CA9: variants seen among roughly 807,000 people sequenced by gnomAD.
CA9 encodes CA-IX.
Under a neutral mutation model 51.8 loss-of-function variants are expected in CA9, and 43 were observed. The observed-to-expected ratio is 0.83, with a 90% CI of 0.65 to 1.07. CA9 has a LOEUF of 1.07. CA9 is among the 50% of genes least tolerant of loss of function. The pLI, the probability that CA9 is intolerant of heterozygous loss-of-function variation, is 0.00. For synonymous variants in CA9, 253 were observed against 244.2 expected (o/e 1.04, Z -0.34); for missense variants, 574 against 581.4 (o/e 0.99, Z 0.13).
intron 1 of CA9, chr9:35,675,276 G>A: frequency 3.6e-6 from 2 of 553,746 alleles, no homozygotes; most frequent in Admixed American, 3.1e-5. Flanking sequence ...TTATAGGCGT[G>A]AGCCACAGCG....
At chr9:35,678,025 C>T (rs2131838575) in intron 6 of CA9, among the ~76,000 whole-genome samples, 169 bp downstream of exon 6, 1 of 152,284 alleles carries the variant, frequency 6.6e-6, no homozygotes, top group East Asian at 1.9e-4. Flanking sequence ...ACACAGTTAC[C>T]CGCAAACGGC....
chr9:35,675,998 G>C lies in CA9; in HGVS notation c.605-66G>C, dbSNP rs186089707. On this transcript the variant is annotated intron_variant, in intron 3 of 10. Coordinates refer to ENST00000378357, the MANE Select transcript of CA9 (RefSeq NM_001216.3). ...CGCAGGGAAGGGAACCGTCGCGGCA[G>C]TGCCTGCCCGGGGGTTGGGCTGGCC... 8.8e-4 allele frequency: 1,414 copies of C among 1,603,948 alleles called. 1 individual carries two copies. The highest frequency in any genetic ancestry group is 1.1e-3 in the Non-Finnish European group (1,327 of 1,175,446).
At chr9:35,677,097 C>T (rs930664170) in intron 5 of CA9, among the ~76,000 whole-genome samples, 6 of 152,078 alleles carry the variant, frequency 3.9e-5, no homozygotes, top group Non-Finnish European at 5.9e-5. Context: ...TCAAGTGATC[C>T]GCCTGACTCA....
rs1172576353 is a variant in CA9, at chr9:35,680,774, T to C, written c.1259T>C (p.Phe420Ser). The C allele has an allele frequency of 1.2e-6, 2 of 1,614,196 alleles. No homozygotes were observed. The highest frequency in any genetic ancestry group is 1.6e-4 in the Middle Eastern group (1 of 6,062). Residue 420 changes from phenylalanine (F) to serine (S), a missense_variant, in exon 10 of 11, where the codon TTT (phenylalanine) becomes TCT (serine). By Grantham distance (155) the Phe-to-Ser change is radical. Coordinates refer to ENST00000378357, the MANE Select transcript of CA9 (RefSeq NM_001216.3). The stretch of plus-strand genomic sequence containing the variant: ...GCAGGTGACATCCTAGCCCTGGTTT[T>C]TGGCCTCCTTTTTGCTGTCACCAGC... Reference protein sequence around the residue: ...LAAGDILALVFGLLFAVTSVA... With the variant: ...LAAGDILALVSGLLFAVTSVA...
In CA9 at chr9:35,680,678, C is replaced by G. The variant is rs1032631937; in HGVS notation, c.1238-75C>G. ...AACTCGGGGCAGGGGTGGTGGAGTG[C>G]ACTGAGGCAGGTGTTGAGGAACTCT... On this transcript the variant is annotated intron_variant, in intron 9 of 10. Coordinates refer to ENST00000378357, the MANE Select transcript of CA9 (RefSeq NM_001216.3). 1.7e-5 allele frequency: 21 copies of G among 1,207,688 alleles called. No homozygotes were observed. In the Admixed American group the frequency reaches 3.6e-4, roughly 21 times the overall value. 74.8% of individuals were successfully genotyped at this position (1,207,688 alleles called of 1,614,324 possible).
intron 5 of CA9, among the ~76,000 whole-genome samples, chr9:35,677,437 C>G (rs1399637974): frequency 6.6e-6 from 1 of 152,058 alleles, no homozygotes; most frequent in Non-Finnish European, 1.5e-5. Context: ...GTGAGTGAGA[C>G]TGCAAACGTC....
rs933692915 is a variant in CA9 at position 35,674,205 on chromosome 9, T to G, written c.246T>G (p.Asp82Glu). 3.3e-6 allele frequency: 5 copies of G among 1,513,230 alleles called. No homozygotes were observed. The African/African-American group carries it at 8.0e-5, about 24-fold the overall frequency. The allele number at this position is 1,513,230 out of a possible 1,614,324, so 93.7% of individuals were successfully genotyped here. ...PREEDPPGEE[D>E]LPGEEDLPGE... ...AGGAGGATCCACCCGGAGAGGAGGA[T>G]CTACCTGGAGAGGAGGATCTACCTG... is the stretch of plus-strand genomic sequence containing the variant. Residue 82 changes from aspartate to glutamate, a missense_variant, in exon 1 of 11, where the codon GAT becomes GAG. Physicochemically the swap from Asp to Glu is conservative, Grantham distance 45. Transcript: ENST00000378357.
At position 35,675,580 on chromosome 9, in the gene CA9, C is replaced by A. The variant is rs763168609; in HGVS notation, c.433+13C>A. ...TGGCGCTATGGAGGTGAGACACCCA[C>A]CCGCTGCACAGACCCAATCTGGGAA... is the stretch of plus-strand genomic sequence containing the variant. On this transcript the variant is annotated intron_variant, in intron 2 of 10. Transcript: ENST00000378357. The A allele has an allele frequency of 1.2e-6, 2 of 1,613,796 alleles. No individual in the cohort carries two copies. Among genetic ancestry groups the A allele is most frequent in the African/African-American group, 2.7e-5 (2 of 74,912 alleles).
intron 1 of CA9, chr9:35,675,190 C>T (rs1236550039): frequency 1.1e-5 from 3 of 271,564 alleles, no homozygotes; most frequent in Non-Finnish European, 2.1e-5. Context: ...GACGGGGTTT[C>T]GCCATGTTGG....
At chr9:35,674,740 G>T (rs1163350264) in intron 1 of CA9, 1 of 175,832 alleles carries the variant, frequency 5.7e-6, no homozygotes. Flanking sequence ...AGGTGAAGTG[G>T]GTACCAGAGA....
Position 35,674,163 on chromosome 9 carries a change from AGAGGATTCACCCAGAGAG to A in CA9, c.211_228del (p.Ser71_Asp76del). On this transcript the variant is annotated inframe_deletion, in exon 1 of 11. Coordinates refer to ENST00000378357, the MANE Select transcript of CA9 (RefSeq NM_001216.3). ...TGGGCGAGGAGGATCTGCCCAGTGA[AGAGGATTCACCCAGAGAG>A]GAGGATCCACCCGGAGAGGAGGATC... 1 of 1,614,132 alleles carries A rather than the reference AGAGGATTCACCCAGAGAG, an allele frequency of 6.2e-7. No individual in the cohort carries two copies. The highest frequency in any genetic ancestry group is 8.5e-7 in the Non-Finnish European group (1 of 1,179,988).
Position 35,673,946 on chromosome 9 carries a change from C to T in CA9, c.-14C>T. 1.3e-6 allele frequency: 2 copies of T among 1,582,298 alleles called. No homozygotes were observed. The highest frequency in any genetic ancestry group is 1.7e-6 in the Non-Finnish European group (2 of 1,163,542). On this transcript the variant is annotated 5_prime_UTR_variant, in exon 1 of 11. Transcript: ENST00000378357. ...CGTACACACCGTGTGCTGGGACACC[C>T]CACAGTCAGCCGCATGGCTCCCCTG...
intron 9 of CA9, among the ~76,000 whole-genome samples, chr9:35,680,371 C>CG (rs1456442397): frequency 6.6e-6 from 1 of 152,116 alleles, no homozygotes; most frequent in African/African-American, 2.4e-5. Context: ...CAATCCCCCC[C>CG]CTTTTTTTAA....
At chr9:35,678,862 A>C (rs1006320054) in intron 6 of CA9, among the ~76,000 whole-genome samples, 1 of 151,958 alleles carries the variant, frequency 6.6e-6, no homozygotes, top group Non-Finnish European at 1.5e-5. Flanking sequence ...GTGGCCCAGC[A>C]CTTTATGATG....
rs778855846 is a variant in CA9, at chr9:35,680,203, G to A, written c.1237+64G>A. ...CTCCTCAGCACCATTCAGCCCCAGG[G>A]CTGCTCAGGACCGCCTCTGCTCCCT... On this transcript the variant is annotated intron_variant, in intron 9 of 10. Transcript: ENST00000378357. The A allele has an allele frequency of 6.2e-5, 99 of 1,598,962 alleles. 1 individual carries two copies. In the East Asian group the frequency reaches 1.0e-3, roughly 17 times the overall value.
Position 35,676,117 on chromosome 9 carries a change from T to C in CA9, c.658T>C (p.Tyr220His). 1 of 1,613,560 alleles carries C rather than the reference T, an allele frequency of 6.2e-7. No homozygotes were observed. The highest frequency in any genetic ancestry group is 8.5e-7 in the Non-Finnish European group (1 of 1,179,842). The change falls in exon 4 of 11, where the codon TAC (tyrosine) becomes CAC (histidine). Residue 220 changes from tyrosine (Y) to histidine (H), a missense_variant. Transcript: ENST00000378357. ...LEMALGPGRE[Y>H]RALQLHLHWG... ...GATGGCTCTGGGTCCCGGGCGGGAG[T>C]ACCGGGCTCTGCAGCTGCATCTGCA...
In CA9 at chr9:35,674,380, T is replaced by A. The variant is rs1196920006; in HGVS notation, c.403+18T>A. On this transcript the variant is annotated intron_variant, in intron 1 of 10. Coordinates refer to ENST00000378357, the MANE Select transcript of CA9 (RefSeq NM_001216.3). Reference sequence around the variant, plus strand: ...CAAAGAAGGTAAGTGGTCATCAATCTCCAAATCCAGGTTCCAGGAGGTTCA... The same window carrying A: ...CAAAGAAGGTAAGTGGTCATCAATCACCAAATCCAGGTTCCAGGAGGTTCA... 3 of 1,594,094 alleles carry A rather than the reference T, an allele frequency of 1.9e-6. No homozygotes were observed. The Admixed American group carries it at 5.3e-5, about 28-fold the overall frequency.
intron 6 of CA9, among the ~76,000 whole-genome samples, chr9:35,678,705 T>C (rs1383860620): frequency 4.0e-5 from 6 of 148,750 alleles, no homozygotes; most frequent in Admixed American, 3.3e-4. Flanking sequence ...CTTTTCTTTT[T>C]TTTTTTTTTT....
At position 35,679,263 on chromosome 9, in the gene CA9, G is replaced by T. The variant is rs370209908; in HGVS notation, c.986G>T (p.Gly329Val). The T allele has an allele frequency of 6.2e-7, 1 of 1,614,024 alleles. No individual in the cohort carries two copies. The highest frequency in any genetic ancestry group is 1.1e-5 in the South Asian group (1 of 91,076). Reference sequence around the variant, plus strand: ...TTCAGCCGCTACTTCCAATATGAGGGGTCTCTGACTACACCGCCCTGTGCC... The same window carrying T: ...TTCAGCCGCTACTTCCAATATGAGGTGTCTCTGACTACACCGCCCTGTGCC... ...SDFSRYFQYEGSLTTPPCAQG... is the reference protein window; with the variant it reads ...SDFSRYFQYEVSLTTPPCAQG... The change falls in exon 7 of 11, where the codon GGG (glycine) becomes GTG (valine). Residue 329 changes from glycine to valine, a missense_variant. Coordinates refer to ENST00000378357, the MANE Select transcript of CA9 (RefSeq NM_001216.3).
Sources: gnomAD v4.1 joint callset for allele counts (sites outside exome capture counted in the v4.1 genomes callset) on GRCh38, gnomAD v4.1.1 for gene constraint, MANE v1.5 for transcripts, NCBI Gene and HGNC (gene_info 2026-07-23, HGNC 2026-07-21) for gene names.